The following CKAP2 variants were observed in gnomAD, a reference collection of about 807,000 sequenced individuals.
CKAP2 encodes the protein cytoskeleton-associated protein 2.
Under a neutral mutation model 58.4 loss-of-function variants are expected in CKAP2, and 46 were observed. The ratio of observed to expected loss-of-function variants is 0.79; its 90% CI spans 0.62 to 1.01. CKAP2 has a LOEUF of 1.01. Ranked by LOEUF, CKAP2 falls within the 50% of genes least tolerant of loss-of-function variation. The probability of loss-of-function intolerance (pLI) is 0.00; values close to 1 mark genes in which losing one functional copy is unlikely to be tolerated. For synonymous variants in CKAP2, 293 were observed against 280.9 expected (o/e 1.04, Z -0.43); for missense variants, 809 against 796.4 (o/e 1.02, Z -0.19).
intron 2 of CKAP2, among the ~76,000 whole-genome samples, chr13:52,459,917 T>G (rs1958543696): frequency 6.6e-6 from 1 of 152,176 alleles, no homozygotes. Flanking sequence ...CAGCCTCTAG[T>G]GCAGTGACGG....
At position 52,461,108 on chromosome 13, in the gene CKAP2, G is replaced by A; in HGVS notation, c.282G>A (p.Val94=). 2 of 1,609,152 alleles carry A rather than the reference G, an allele frequency of 1.2e-6. No homozygotes were observed. Among genetic ancestry groups the A allele is most frequent in the African/African-American group, 2.7e-5 (2 of 74,678 alleles). The part of the protein sequence containing the change: ...KRPAESKNNT[V]VGKHCIPLKP... ...CTGCAGAGAGCAAAAATAATACAGT[G>A]GTGGGGAAACATTGTATTCCTTTAA... The change falls in exon 4 of 9, where the codon GTG becomes GTA. Residue 94 remains valine (V), a synonymous_variant. Coordinates refer to ENST00000258607, the MANE Select transcript of CKAP2 (RefSeq NM_018204.5).
In CKAP2 at chr13:52,474,887, ATT is replaced by A. The variant is rs1424003757; in HGVS notation, c.1803-5_1803-4del. On this transcript the variant is annotated splice_region_variant and splice_polypyrimidine_tract_variant and intron_variant, in intron 8 of 8. Transcript: ENST00000258607. ...TTTTGAACTCTGGAATATTGTTTTAATTTTCAGTGTGAAAAAAAAGGTGCAGT... is the reference window on the plus strand; with the variant it reads ...TTTTGAACTCTGGAATATTGTTTTAATTCAGTGTGAAAAAAAAGGTGCAGT... 3 of 1,606,356 alleles carry A rather than the reference ATT, an allele frequency of 1.9e-6. No individual in the cohort carries two copies. The highest frequency in any genetic ancestry group is 2.6e-6 in the Non-Finnish European group (3 of 1,175,052).
chr13:52,469,264 T>C, intron 7 of CKAP2, among the ~76,000 whole-genome samples: 1 of 152,222 alleles, frequency 6.6e-6, no homozygotes, highest in East Asian at 1.9e-4. Flanking sequence ...GCTCAATATT[T>C]AGATTTGTCA....
chr13:52,473,723 G>A (rs1594145482), intron 7 of CKAP2, 106 bp from the exon 8 acceptor site: 2 of 991,882 alleles, frequency 2.0e-6, no homozygotes, highest in East Asian at 2.4e-5. Flanking sequence ...TGGCAATCGT[G>A]TTCTTTTATT....
At chr13:52,462,180 AAATG>A (rs1354874330) in intron 4 of CKAP2, among the ~76,000 whole-genome samples, 179 bp from the exon 5 acceptor site, 1 of 152,268 alleles carries the variant, frequency 6.6e-6, no homozygotes, top group African/African-American at 2.4e-5. Flanking sequence ...TCAAATCAAA[AAATG>A]CATTCATGGA....
At chr13:52,466,050 C>CAT (rs561459105) in intron 6 of CKAP2, among the ~76,000 whole-genome samples, 17 of 150,356 alleles carry the variant, frequency 1.1e-4, no homozygotes, top group East Asian at 1.9e-4. Context: ...TACACACACA[C>CAT]ATATATATAT....
In CKAP2 at chr13:52,462,416, CT is replaced by C; in HGVS notation, c.1155del (p.Asn386IlefsTer3). On this transcript the variant is annotated frameshift_variant, in exon 5 of 9. Transcript: ENST00000258607. LOFTEE classifies it high-confidence loss of function. ...AAAGGAAGAGTGCTAAAAAGGCCCC[CT>C]AATTCAGTAGTTACTCAGCATGAGC... ...AGKGRVLKRP[P>X]NSVVTQHEPA... 6.2e-7 allele frequency: 1 copy of C among 1,614,062 alleles called. No homozygotes were observed. Among genetic ancestry groups the C allele is most frequent in the Non-Finnish European group, 8.5e-7 (1 of 1,180,010 alleles).
At chr13:52,468,177 T>C in intron 6 of CKAP2, 101 bp from the exon 7 acceptor site, 2 of 681,442 alleles carry the variant, frequency 2.9e-6, no homozygotes, top group South Asian at 3.8e-5. Flanking sequence ...CACTCTTACT[T>C]TAAAATACAG....
intron 7 of CKAP2, among the ~76,000 whole-genome samples, chr13:52,473,238 G>T (rs1223257219): frequency 1.3e-5 from 2 of 151,872 alleles, no homozygotes; most frequent in African/African-American, 4.8e-5. Context: ...TCTGTCTCTG[G>T]TGAATTTTTT....
intron 5 of CKAP2, among the ~76,000 whole-genome samples, chr13:52,463,661 A>G (rs1434037289): frequency 1.3e-5 from 2 of 152,164 alleles, no homozygotes. Flanking sequence ...TTATTTTTTT[A>G]GGTGAGAAGA....
Position 52,472,430 on chromosome 13 carries a change from C to G in CKAP2, c.1547-1399C>G, listed in dbSNP as rs116295365. On this transcript the variant is annotated intron_variant, in intron 7 of 8. Transcript: ENST00000258607. ...CTTCCACTTAAAACTCAGTCACTATCATGCAACTAAAACTTCTCTTAGTAA... is the reference window on the plus strand; with the variant it reads ...CTTCCACTTAAAACTCAGTCACTATGATGCAACTAAAACTTCTCTTAGTAA... Among the ~76,000 whole-genome samples the G allele has an allele frequency of 2.4e-3, 372 of 152,328 alleles. 1 individual carries two copies. The highest frequency in any genetic ancestry group is 8.6e-3 in the African/African-American group (357 of 41,578).
chr13:52,472,895 T>C lies in CKAP2; in HGVS notation c.1547-934T>C, dbSNP rs115485867. Among the ~76,000 whole-genome samples, 1,124 of 152,234 alleles carry C rather than the reference T, an allele frequency of 7.4e-3. 6 individuals are homozygous for C. The highest frequency in any genetic ancestry group is 0.017 in the African/African-American group (699 of 41,540). On this transcript the variant is annotated intron_variant, in intron 7 of 8. Coordinates refer to ENST00000258607, the MANE Select transcript of CKAP2 (RefSeq NM_018204.5). ...CCCCATCTCTACAAAAAGTAAAAAT[T>C]AGCTGGGTATGGTGGTACACACCTT...
intron 5 of CKAP2, among the ~76,000 whole-genome samples, chr13:52,463,962 A>G (rs1958624442): frequency 1.3e-5 from 2 of 152,174 alleles, no homozygotes; most frequent in Non-Finnish European, 2.9e-5. Context: ...TTGATACTCA[A>G]AAGTTTTGGA....
At chr13:52,471,052 G>A (rs1958755157) in intron 7 of CKAP2, among the ~76,000 whole-genome samples, 1 of 152,134 alleles carries the variant, frequency 6.6e-6, no homozygotes, top group South Asian at 2.1e-4. Flanking sequence ...CAGCTACTCG[G>A]GGGGCTGAGG....
intron 6 of CKAP2, among the ~76,000 whole-genome samples, chr13:52,467,228 T>C (rs1037213593): frequency 6.6e-6 from 1 of 152,106 alleles, no homozygotes; most frequent in African/African-American, 2.4e-5. Context: ...GGGTGGAACA[T>C]AGCAAATGCT....
intron 8 of CKAP2, 100 bp from the exon 9 acceptor site, chr13:52,474,795 C>A: frequency 8.5e-7 from 1 of 1,169,896 alleles, no homozygotes; most frequent in Non-Finnish European, 1.2e-6. Context: ...CTTTTACCTG[C>A]TTATAACATA....
chr13:52,456,638 G>A (rs1376510082), intron 2 of CKAP2, 31 bp downstream of exon 2: 14 of 1,503,332 alleles, frequency 9.3e-6, no homozygotes, highest in African/African-American at 1.4e-5. Flanking sequence ...TTTCACTTCT[G>A]TAAAATTGTA....
intron 1 of CKAP2, chr13:52,456,239 G>A (rs1332118406): frequency 6.2e-6 from 6 of 972,070 alleles, no homozygotes; most frequent in Non-Finnish European, 5.2e-6. Context: ...TTAAAGCTTG[G>A]CTAGCAGGAG....
Position 52,462,810 on chromosome 13 carries a change from C to T in CKAP2, c.1305+243C>T, listed in dbSNP as rs76231427. ...TTTGCATTGAGTTCATATAAATATA[C>T]AGGTTGAGTATCCCTTATCCAAAAT... is the stretch of plus-strand genomic sequence containing the variant. On this transcript the variant is annotated intron_variant, in intron 5 of 8. Transcript: ENST00000258607. 3.3e-5 allele frequency among the ~76,000 whole-genome samples: 5 copies of T among 152,308 alleles called. No homozygotes were observed. In the East Asian group the frequency reaches 9.6e-4, roughly 29 times the overall value.
Sources: gnomAD v4.1 joint callset for allele counts (sites outside exome capture counted in the v4.1 genomes callset) on GRCh38, gnomAD v4.1.1 for gene constraint, MANE v1.5 for transcripts, NCBI Gene and HGNC (gene_info 2026-07-23, HGNC 2026-07-21) for gene names.